The following CPXM2 variants were observed in gnomAD, a reference collection of about 807,000 sequenced individuals.
CPXM2 encodes carboxypeptidase X, M14 family member 2.
In CPXM2, 66 loss-of-function variants were observed where a neutral mutation model predicts 86.1. That is an observed-to-expected ratio of 0.77 (90% CI 0.63 to 0.94). The LOEUF (loss-of-function observed/expected upper bound fraction) is 0.94. Ranked by LOEUF, CPXM2 falls within the 40% of genes least tolerant of loss-of-function variation. The pLI, the probability that CPXM2 is intolerant of heterozygous loss-of-function variation, is 0.00. For missense variants in CPXM2, 948 were observed against 1,026.3 expected (o/e 0.92, Z 1.04); for synonymous variants, 388 against 400.2 (o/e 0.97, Z 0.36).
intron 2 of CPXM2, 25 bp from the exon 3 acceptor site, chr10:123,862,748 AAAC>A (rs1385702815): frequency 3.8e-6 from 6 of 1,576,888 alleles, no homozygotes; most frequent in Admixed American, 1.7e-5. Context: ...TGCTTGTTAA[AAAC>A]AACGACAGAT....
chr10:123,829,917 A>T (rs1445841623), intron 4 of CPXM2, among the ~76,000 whole-genome samples: 1 of 151,362 alleles, frequency 6.6e-6, no homozygotes, highest in African/African-American at 2.4e-5. Flanking sequence ...TATGGATCAC[A>T]TAATAATGTT....
intron 2 of CPXM2, among the ~76,000 whole-genome samples, chr10:123,866,068 C>G (rs904919744): frequency 1.3e-5 from 2 of 152,134 alleles, no homozygotes; most frequent in Non-Finnish European, 2.9e-5. Context: ...CGGTCCAGAC[C>G]TTCCTTCCTT....
At position 123,768,691 on chromosome 10, in the gene CPXM2, G is replaced by T; in HGVS notation, c.1134C>A (p.Ala378=). 1 of 1,611,086 alleles carries T rather than the reference G, an allele frequency of 6.2e-7. No homozygotes were observed. The highest frequency in any genetic ancestry group is 8.5e-7 in the Non-Finnish European group (1 of 1,179,678). The part of the protein sequence containing the change: ...GEPEFHYIAG[A]HGNEVLGREL... The stretch of plus-strand genomic sequence containing the variant: ...CCCGGCCCAGCACCTCATTGCCGTG[G>T]GCCCCCGCGATGTAGTGGAACTCGG... The change falls in exon 9 of 14, where the codon GCC becomes GCA. Residue 378 remains alanine (A), a synonymous_variant. Coordinates refer to ENST00000241305, the MANE Select transcript of CPXM2 (RefSeq NM_198148.3).
rs1258897184 is a variant in CPXM2 at position 123,830,872 on chromosome 10, C to CTCTCTG, written c.653+11476_653+11477insCAGAGA. On this transcript the variant is annotated intron_variant, in intron 4 of 13. Transcript: ENST00000241305. ...CACTCATCTCTCTCTCTCTCTCTCT[C>CTCTCTG]TGTGTGTGTGTGTGTGTGTGTGTGT... 2.2e-3 allele frequency among the ~76,000 whole-genome samples: 321 copies of CTCTCTG among 142,800 alleles called. 3 individuals carry two copies. The highest frequency in any genetic ancestry group is 7.8e-3 in the African/African-American group (295 of 37,842). 93.7% of individuals were successfully genotyped at this position (142,800 alleles called of 152,430 possible).
At chr10:123,759,540 C>T (rs776849869) in intron 11 of CPXM2, among the ~76,000 whole-genome samples, 1 of 152,118 alleles carries the variant, frequency 6.6e-6, no homozygotes, top group Non-Finnish European at 1.5e-5. Context: ...AATACGTGGC[C>T]AGAGAAGGGC....
intron 2 of CPXM2, among the ~76,000 whole-genome samples, chr10:123,918,739 C>T (rs140267337): frequency 0.012 from 1,899 of 152,274 alleles, 39 homozygotes; most frequent in African/African-American, 0.043. Context: ...TCCCCTTCAG[C>T]AGCAGTGGTC....
upstream of CPXM2, among the ~76,000 whole-genome samples, chr10:123,894,226 G>A (rs868643511): frequency 1.6e-4 from 25 of 152,108 alleles, 1 homozygote; most frequent in South Asian, 1.5e-3. Flanking sequence ...ACACTTTACC[G>A]CTTTTCAGCA....
intron 6 of CPXM2, among the ~76,000 whole-genome samples, chr10:123,788,209 G>A (rs373089160): frequency 2.0e-5 from 3 of 150,832 alleles, no homozygotes; most frequent in East Asian, 2.0e-4. Context: ...GAACCCCAGA[G>A]GCAGAAGTTG....
intron 11 of CPXM2, among the ~76,000 whole-genome samples, chr10:123,761,190 A>G (rs914294938): frequency 6.6e-6 from 1 of 152,168 alleles, no homozygotes; most frequent in African/African-American, 2.4e-5. Context: ...GCCAGGAGCA[A>G]AACTTTGAAT....
chr10:123,858,098 C>A (rs529412451), intron 3 of CPXM2, among the ~76,000 whole-genome samples: 2 of 152,350 alleles, frequency 1.3e-5, no homozygotes, highest in East Asian at 3.9e-4. Flanking sequence ...TAGCAAAAGT[C>A]ACACATGAAC....
At chr10:123,941,486 T>C (rs1453512705), upstream of CPXM2, among the ~76,000 whole-genome samples, 1 of 152,248 alleles carries the variant, frequency 6.6e-6, no homozygotes, top group Non-Finnish European at 1.5e-5. Flanking sequence ...CCACCACTCC[T>C]GTATGACTTT....
At chr10:123,906,114 CT>C (rs796145619) in intron 2 of CPXM2, among the ~76,000 whole-genome samples, 1 of 152,214 alleles carries the variant, frequency 6.6e-6, no homozygotes, top group South Asian at 2.1e-4. Context: ...AAGCCTCCCC[CT>C]GTCTGCTCCT....
intron 4 of CPXM2, among the ~76,000 whole-genome samples, chr10:123,810,455 A>G (rs1359443815): frequency 6.6e-6 from 1 of 152,100 alleles, no homozygotes; most frequent in Non-Finnish European, 1.5e-5. Context: ...TTTCTTAAGC[A>G]TACATACAAC....
At chr10:123,854,375 A>ATATATATAT (rs1848667412) in intron 3 of CPXM2, among the ~76,000 whole-genome samples, 3 of 84,010 alleles carry the variant, frequency 3.6e-5, no homozygotes, top group African/African-American at 4.9e-5. Flanking sequence ...TATATATATA[A>ATATATATAT]TATATATATA....
Position 123,842,463 on chromosome 10 carries a change from T to C in CPXM2, c.539A>G (p.Tyr180Cys), listed in dbSNP as rs912758409. Residue 180 changes from tyrosine (Y) to cysteine (C), a missense_variant, in exon 4 of 14, where the codon TAT (tyrosine) becomes TGT (cysteine). Coordinates refer to ENST00000241305, the MANE Select transcript of CPXM2 (RefSeq NM_198148.3). The stretch of plus-strand genomic sequence containing the variant: ...TCTTCCCGCGCACCACGCTCCGTCA[T>C]AAAAATCATTTTCATTAATGCCCGC... ...IQAGINENDF[Y>C]DGAWCAGRND... The C allele has an allele frequency of 7.4e-6, 12 of 1,614,182 alleles. No individual in the cohort carries two copies. Among genetic ancestry groups the C allele is most frequent in the Non-Finnish European group, 1.0e-5 (12 of 1,180,016 alleles).
At chr10:123,883,063 C>T (rs1945119169) in intron 1 of CPXM2, among the ~76,000 whole-genome samples, 1 of 152,036 alleles carries the variant, frequency 6.6e-6, no homozygotes, top group South Asian at 2.1e-4. Flanking sequence ...CCCCACATCA[C>T]AACACCATGG....
intron 4 of CPXM2, among the ~76,000 whole-genome samples, chr10:123,813,715 G>A (rs77241548): frequency 0.032 from 4,858 of 152,290 alleles, 257 homozygotes; most frequent in African/African-American, 0.11. Context: ...TCTAATGACT[G>A]TAATGTCAGT....
chr10:123,864,042 C>T lies in CPXM2; in HGVS notation c.404-1319G>A, dbSNP rs146928054. On this transcript the variant is annotated intron_variant, in intron 2 of 13. Transcript: ENST00000241305. Reference sequence around the variant, plus strand: ...GACTCCAGGACATCCTGCAGCCTGGCCCCAGGAGCCTGGGCTCTGGCTGAA... The same window carrying T: ...GACTCCAGGACATCCTGCAGCCTGGTCCCAGGAGCCTGGGCTCTGGCTGAA... Among the ~76,000 whole-genome samples the T allele has an allele frequency of 4.6e-4, 70 of 152,248 alleles. No homozygotes were observed. The East Asian group carries it at 0.012, about 27-fold the overall frequency.
chr10:123,801,289 G>A (rs1847452370), intron 4 of CPXM2, among the ~76,000 whole-genome samples: 1 of 152,200 alleles, frequency 6.6e-6, no homozygotes, highest in South Asian at 2.1e-4. Context: ...TCTCTTGCCT[G>A]CCGCCAGGTG....
Sources: allele counts gnomAD v4.1 joint callset (sites outside exome capture counted in the v4.1 genomes callset), GRCh38; gene constraint gnomAD v4.1.1; transcripts MANE v1.5; gene names NCBI Gene and HGNC (gene_info 2026-07-23, HGNC 2026-07-21).